The following MTCL1 variants were observed in gnomAD, a reference collection of about 807,000 sequenced individuals.
The protein encoded by MTCL1 is microtubule crosslinking factor 1, also known as microtubule cross-linking factor 1.
Under a neutral mutation model 141.4 loss-of-function variants are expected in MTCL1, and 79 were observed. The ratio of observed to expected loss-of-function variants is 0.56; its 90% CI spans 0.47 to 0.67. The LOEUF (loss-of-function observed/expected upper bound fraction) is 0.67. Ranked by LOEUF, MTCL1 falls within the 30% of genes least tolerant of loss-of-function variation. The probability of loss-of-function intolerance (pLI) is 0.00; values close to 1 mark genes in which losing one functional copy is unlikely to be tolerated. For synonymous variants in MTCL1, 914 were observed against 875.8 expected, an observed-to-expected ratio of 1.04 and a Z score of -0.77; for missense variants, 2,177 against 2,113.9, an observed-to-expected ratio of 1.03 and a Z score of -0.59.
At chr18:8,812,895 G>A (rs1178342127) in intron 11 of MTCL1, 84 bp from the exon 11 acceptor site, 1 of 1,504,930 alleles carries the variant, frequency 6.6e-7, no homozygotes, top group African/African-American at 1.4e-5. Flanking sequence ...TGTTTCCAGG[G>A]ATCACATGTA....
At chr18:8,720,042 A>C in intron 3 of MTCL1, 3 of 270,172 alleles carry the variant, frequency 1.1e-5, no homozygotes, top group Non-Finnish European at 1.4e-5. Context: ...TTTTAAAGCC[A>C]TTTAAATTTA....
chr18:8,808,120 C>A (rs1325390911), intron 11 of MTCL1, among the ~76,000 whole-genome samples: 1 of 152,098 alleles, frequency 6.6e-6, no homozygotes, highest in Non-Finnish European at 1.5e-5. Context: ...GGCAGGGACA[C>A]AGCCTTGCAG....
In MTCL1 at chr18:8,828,944, T is replaced by C; in HGVS notation, c.4759T>C (p.Ter1587GlnextTer84). ...CTTGCTAACTGCCCCCTGGGGACTC[T>C]AGCCCTGCCCGCCTCACGCTGTAAG... The change falls in exon 16 of 17, where the codon TAG (stop) becomes CAG (glutamine). Residue 1587 changes from the stop codon to glutamine, a stop_lost. Coordinates refer to ENST00000359865, the Ensembl canonical transcript of MTCL1. The surrounding 1 kb of genome is among the most constrained non-coding windows in gnomAD (Gnocchi z 5.2). 1 of 1,614,256 alleles carries C rather than the reference T, an allele frequency of 6.2e-7. No homozygotes were observed. Among genetic ancestry groups the C allele is most frequent in the Non-Finnish European group, 8.5e-7 (1 of 1,180,040 alleles).
intron 4 of MTCL1, among the ~76,000 whole-genome samples, chr18:8,729,220 T>G (rs1247564452): frequency 8.0e-6 from 1 of 124,406 alleles, no homozygotes; most frequent in South Asian, 2.7e-4. Flanking sequence ...CATGCCCAGC[T>G]AATTTCCGTA....
At chr18:8,734,422 G>A (rs1192897083) in intron 4 of MTCL1, among the ~76,000 whole-genome samples, 2 of 152,064 alleles carry the variant, frequency 1.3e-5, no homozygotes, top group Non-Finnish European at 2.9e-5. Context: ...ACTGTCTCAG[G>A]TCACACCCTG....
rs560836586 is a variant in MTCL1 at position 8,817,428 on chromosome 18, G to A, written c.2860-1535G>A. On this transcript the variant is annotated intron_variant, in intron 12 of 16. Coordinates refer to ENST00000359865, the Ensembl canonical transcript of MTCL1. Reference sequence around the variant, plus strand: ...ACTGTGAACTGCCTCAGATGCTAACGTGTCAGCTTTGGCTGAATCAGACTC... The same window carrying A: ...ACTGTGAACTGCCTCAGATGCTAACATGTCAGCTTTGGCTGAATCAGACTC... 3.9e-5 allele frequency among the ~76,000 whole-genome samples: 6 copies of A among 152,156 alleles called. No homozygotes were observed. The South Asian group carries it at 6.2e-4, about 16-fold the overall frequency.
chr18:8,708,314 CCAT>C (rs1206768745), intron 1 of MTCL1, among the ~76,000 whole-genome samples: 1 of 152,144 alleles, frequency 6.6e-6, no homozygotes, highest in East Asian at 1.9e-4. Flanking sequence ...GGTAGGCTAT[CCAT>C]CATTTTGAAG....
intron 10 of MTCL1, among the ~76,000 whole-genome samples, chr18:8,799,723 G>A (rs1029563483): frequency 9.9e-5 from 15 of 152,214 alleles, no homozygotes; most frequent in Non-Finnish European, 4.4e-5. Context: ...CTAAGAAAAC[G>A]TGTTTCCCAC....
intron 13 of MTCL1, 21 bp downstream of exon 12, chr18:8,819,280 C>A (rs755071183): frequency 2.5e-6 from 4 of 1,610,724 alleles, no homozygotes; most frequent in Middle Eastern, 3.4e-4. Context: ...TTTTGTCCAT[C>A]CTAGTTAACC....
intron 4 of MTCL1, among the ~76,000 whole-genome samples, chr18:8,754,806 T>C (rs774202138): frequency 2.6e-5 from 4 of 152,184 alleles, no homozygotes; most frequent in Non-Finnish European, 5.9e-5. Flanking sequence ...GTCTCTCTGA[T>C]GTATGAAGTA....
At chr18:8,825,540 C>G in exon 15 of MTCL1, 1 of 1,612,422 alleles carries the variant, frequency 6.2e-7, no homozygotes. Context: ...CAGCAGCCCC[C>G]ACAAGTGTCT....
upstream of MTCL1, among the ~76,000 whole-genome samples, chr18:8,715,437 A>G (rs79793898): frequency 1.5e-3 from 233 of 152,348 alleles, no homozygotes; most frequent in Middle Eastern, 0.01. Context: ...ATCACAAACC[A>G]TTCTTTCCAT....
exon 15 of MTCL1, chr18:8,824,940 G>C (rs202151461): frequency 6.2e-7 from 1 of 1,613,704 alleles, no homozygotes; most frequent in Non-Finnish European, 8.5e-7. Flanking sequence ...GGCAGGGCAC[G>C]AGGACAGCAC....
intron 4 of MTCL1, among the ~76,000 whole-genome samples, chr18:8,754,509 T>G (rs1403081310): frequency 6.6e-6 from 1 of 152,196 alleles, no homozygotes; most frequent in Admixed American, 6.5e-5. Context: ...GTTAGAATGA[T>G]GAGACAGCAT....
At chr18:8,776,627 G>A (rs2096510058) in intron 4 of MTCL1, among the ~76,000 whole-genome samples, 1 of 152,174 alleles carries the variant, frequency 6.6e-6, no homozygotes, top group African/African-American at 2.4e-5. Context: ...TGGGTTTCCT[G>A]AGAATTTCAA....
chr18:8,706,251 G>T (rs1347951770), exon 1 of MTCL1: 3 of 1,228,384 alleles, frequency 2.4e-6, no homozygotes, highest in Admixed American at 4.3e-5. Context: ...CCGGGTCCCC[G>T]GCCCGCTGCT....
In MTCL1 at chr18:8,822,851, C is replaced by T. The variant is rs1250860396; in HGVS notation, c.3188+1353C>T. Among the ~76,000 whole-genome samples the T allele has an allele frequency of 1.3e-5, 2 of 152,162 alleles. No homozygotes were observed. Among genetic ancestry groups the T allele is most frequent in the Non-Finnish European group, 2.9e-5 (2 of 68,038 alleles). ...CCGGTTAGGCTTTGGAGCAACTGTACTTCACCACTCAAGCCATCAACTTTT... is the reference window on the plus strand; with the variant it reads ...CCGGTTAGGCTTTGGAGCAACTGTATTTCACCACTCAAGCCATCAACTTTT... On this transcript the variant is annotated intron_variant, in intron 14 of 16. Transcript: ENST00000359865. The surrounding 1 kb of genome is among the most constrained non-coding windows in gnomAD (Gnocchi z 4.6).
intron 11 of MTCL1, chr18:8,809,719 A>C: frequency 8.5e-7 from 1 of 1,173,074 alleles, no homozygotes; most frequent in Non-Finnish European, 1.2e-6. Flanking sequence ...TCAGGTTTCT[A>C]GTACGGGTGC....
In MTCL1 at chr18:8,779,784, T is replaced by A. The variant is rs763609771; in HGVS notation, c.417+1892T>A. On this transcript the variant is annotated intron_variant, in intron 5 of 16. Coordinates refer to ENST00000359865, the Ensembl canonical transcript of MTCL1. This position sits in a 1 kb window ranked among gnomAD's most constrained non-coding sequence, Gnocchi z 4.1. Reference sequence around the variant, plus strand: ...TAGAAATGACAGCATGCTGTCATGCTGACAGCTTTTTTCTTTAAGGAACGA... The same window carrying A: ...TAGAAATGACAGCATGCTGTCATGCAGACAGCTTTTTTCTTTAAGGAACGA... 1.3e-5 allele frequency among the ~76,000 whole-genome samples: 2 copies of A among 152,204 alleles called. No individual in the cohort carries two copies. The highest frequency in any genetic ancestry group is 2.9e-5 in the Non-Finnish European group (2 of 68,030).
Sources: allele counts gnomAD v4.1 joint callset (sites outside exome capture counted in the v4.1 genomes callset), GRCh38; gene constraint gnomAD v4.1.1; non-coding constraint Gnocchi (gnomAD v3.1); transcripts MANE v1.5; gene names NCBI Gene and HGNC (gene_info 2026-07-23, HGNC 2026-07-21).